The following WNK1 variants were observed in gnomAD, a reference collection of about 807,000 sequenced individuals.
WNK1 encodes the protein serine/threonine-protein kinase WNK1.
A neutral mutation model predicts 222.8 loss-of-function variants in WNK1; 38 were observed. The observed-to-expected ratio is 0.17, with a 90% CI of 0.13 to 0.22. The LOEUF (loss-of-function observed/expected upper bound fraction) is 0.22, where lower values mean the gene tolerates loss of function less well. WNK1 is among the 10% of genes least tolerant of loss of function. The pLI is 1.00. For missense variants in WNK1, 2,348 were observed against 2,918.4 expected (o/e 0.80, Z 4.50); for synonymous variants, 1,090 against 1,092.9 (o/e 1.00, Z 0.05).
intron 4 of WNK1, among the ~76,000 whole-genome samples, chr12:853,735 G>A (rs542596788): frequency 6.6e-6 from 1 of 152,274 alleles, no homozygotes; most frequent in South Asian, 2.1e-4. Context: ...CCCTTGAAAT[G>A]TATGTGCTTA....
intron 9 of WNK1, among the ~76,000 whole-genome samples, chr12:873,933 C>A (rs75821622): frequency 0.04 from 6,078 of 151,782 alleles, 230 homozygotes; most frequent in Admixed American, 0.11. Flanking sequence ...TTTGTAGGGT[C>A]TCGTATAGTG....
At chr12:760,435 A>G (rs1475735492) in intron 1 of WNK1, among the ~76,000 whole-genome samples, 1 of 147,854 alleles carries the variant, frequency 6.8e-6, no homozygotes, top group Non-Finnish European at 1.5e-5. Flanking sequence ...TATAATGCTC[A>G]TTTATTAGCA....
intron 26 of WNK1, among the ~76,000 whole-genome samples, chr12:905,035 T>G (rs1039207339): frequency 6.6e-6 from 1 of 152,178 alleles, no homozygotes; most frequent in African/African-American, 2.4e-5. Context: ...GGGCTGTAAG[T>G]TATGGTTCAT....
intron 4 of WNK1, among the ~76,000 whole-genome samples, chr12:835,649 T>G (rs537812303): frequency 2.0e-5 from 3 of 149,692 alleles, no homozygotes; most frequent in African/African-American, 7.4e-5. Flanking sequence ...AAAAAAAAAA[T>G]GTTGATAGAA....
At chr12:907,582 T>G in intron 26 of WNK1, 1 of 523,190 alleles carries the variant, frequency 1.9e-6, no homozygotes, top group South Asian at 2.0e-5. Flanking sequence ...GTGAATGGAC[T>G]GAAAGAGGCC....
At chr12:872,532 GTAATTCTAAAAT>G (rs1183544337) in intron 9 of WNK1, among the ~76,000 whole-genome samples, 5 of 152,148 alleles carry the variant, frequency 3.3e-5, no homozygotes, top group African/African-American at 4.8e-5. Flanking sequence ...AGTAAAACTG[GTAATTCTAAAAT>G]TAAATATTTA....
Position 869,528 on chromosome 12 carries a change from A to G in WNK1, c.2140-1737A>G, listed in dbSNP as rs756268366. 5.1e-4 allele frequency among the ~76,000 whole-genome samples: 78 copies of G among 152,330 alleles called. 1 individual carries two copies. The highest frequency in any genetic ancestry group is 6.8e-3 in the Middle Eastern group (2 of 294). On this transcript the variant is annotated intron_variant, in intron 8 of 27. Transcript: ENST00000315939. ...AGGATAAATTTTTTTTCTATAAAAT[A>G]TAAAACATGGAAAATAGGGAATGCT...
Position 885,808 on chromosome 12 carries a change from A to G in WNK1, c.5004A>G (p.Ser1668=). Residue 1668 remains serine (S), a synonymous_variant, in exon 19 of 28, where the codon TCA becomes TCG. Coordinates refer to ENST00000315939, the MANE Select transcript of WNK1 (RefSeq NM_018979.4). ...GGTCTCTGTTCAGTGAACACAGCTCATCTGGAGCTCAGCATGCCTCTGTCT... is the reference window on the plus strand; with the variant it reads ...GGTCTCTGTTCAGTGAACACAGCTCGTCTGGAGCTCAGCATGCCTCTGTCT... ...KLRSLFSEHS[S]SGAQHASVSL... 1 of 1,614,220 alleles carries G rather than the reference A, an allele frequency of 6.2e-7. No individual in the cohort carries two copies. The highest frequency in any genetic ancestry group is 8.5e-7 in the Non-Finnish European group (1 of 1,180,022).
chr12:896,886 CCACACACACACACACA>C (rs34202153), intron 24 of WNK1, among the ~76,000 whole-genome samples, 154 bp downstream of exon 24: 1,822 of 134,584 alleles, frequency 0.014, 21 homozygotes, highest in Non-Finnish European at 0.017. Context: ...TACCTCCCCA[CCACACACACACACACA>C]CACACACACA....
At chr12:777,410 G>A (rs1434928960) in intron 1 of WNK1, among the ~76,000 whole-genome samples, 4 of 151,742 alleles carry the variant, frequency 2.6e-5, no homozygotes, top group African/African-American at 7.3e-5. Flanking sequence ...TGCCTGCCTC[G>A]GCCTCCCAAA....
intron 8 of WNK1, among the ~76,000 whole-genome samples, chr12:863,496 G>A (rs1446541082): frequency 6.6e-6 from 1 of 151,846 alleles, no homozygotes; most frequent in Non-Finnish European, 1.5e-5. Context: ...AGCATTTCTT[G>A]TCAGTTTCTA....
intron 1 of WNK1, among the ~76,000 whole-genome samples, chr12:788,165 GT>G (rs1330871794): frequency 6.6e-6 from 1 of 151,960 alleles, no homozygotes; most frequent in African/African-American, 2.4e-5. Flanking sequence ...CTGATTGTAG[GT>G]TTAACCATAT....
chr12:753,455 C>G lies in WNK1; in HGVS notation c.-111C>G, dbSNP rs967208063. On this transcript the variant is annotated 5_prime_UTR_variant, in exon 1 of 28. Coordinates refer to ENST00000315939, the MANE Select transcript of WNK1 (RefSeq NM_018979.4). This position sits in a 1 kb window ranked among gnomAD's most constrained non-coding sequence, Gnocchi z 5.2. The stretch of plus-strand genomic sequence containing the variant: ...GAGTGAGGCGTCGTCCGGGTCGGCG[C>G]GAACCCGCCCGGCCGCGGTTCCCTG... The G allele has an allele frequency of 3.1e-5, 45 of 1,472,344 alleles. No homozygotes were observed. Among genetic ancestry groups the G allele is most frequent in the Non-Finnish European group, 4.0e-5 (43 of 1,084,646 alleles). 91.2% of individuals were successfully genotyped at this position (1,472,344 alleles called of 1,614,324 possible).
intron 8 of WNK1, chr12:867,700 G>C (rs971339892): frequency 1.3e-6 from 1 of 786,604 alleles, no homozygotes. Context: ...TGTATTTAAT[G>C]GATTTTTACT....
chr12:772,856 C>T (rs895364171), intron 1 of WNK1, among the ~76,000 whole-genome samples: 2 of 152,112 alleles, frequency 1.3e-5, no homozygotes, highest in East Asian at 1.9e-4. Context: ...TTCACTGCTT[C>T]GCATATAATT....
At chr12:903,957 T>A (rs929384876) in intron 26 of WNK1, among the ~76,000 whole-genome samples, 8 of 152,204 alleles carry the variant, frequency 5.3e-5, no homozygotes, top group Admixed American at 1.3e-4. Context: ...ATATGTGGGA[T>A]GTGGAAATAT....
chr12:754,249 C>T lies in WNK1; in HGVS notation c.684C>T (p.Gly228=), dbSNP rs72647374. The T allele has an allele frequency of 1.8e-3, 2,879 of 1,613,712 alleles. 23 individuals carry two copies. The African/African-American group carries it at 0.023, about 13-fold the overall frequency. The change falls in exon 1 of 28, where the codon GGC becomes GGT. Residue 228 remains glycine (G), a synonymous_variant. Coordinates refer to ENST00000315939, the MANE Select transcript of WNK1 (RefSeq NM_018979.4). The part of the protein sequence containing the change: ...GRFLKFDIEI[G]RGSFKTVYKG... The stretch of plus-strand genomic sequence containing the variant: ...TTCTCAAGTTTGACATCGAAATCGG[C>T]AGAGGCTCCTTTAAGACGGTCTACA...
chr12:865,877 G>T (rs1387424727), intron 8 of WNK1, among the ~76,000 whole-genome samples: 1 of 151,690 alleles, frequency 6.6e-6, no homozygotes, highest in African/African-American at 2.4e-5. Flanking sequence ...TATGTAAGAT[G>T]ATGTATCAGC....
At chr12:776,445 T>TGTGTGTGTGTGTGTGTGTGTGTGTG (rs1591645280) in intron 1 of WNK1, among the ~76,000 whole-genome samples, 1 of 150,524 alleles carries the variant, frequency 6.6e-6, no homozygotes, top group Admixed American at 6.7e-5. Flanking sequence ...TGTGTGTGTG[T>TGTGTGTGTGTGTGTGTGTGTGTGTG]TTCTTGAGAT....
Sources: allele counts gnomAD v4.1 joint callset (sites outside exome capture counted in the v4.1 genomes callset), GRCh38; gene constraint gnomAD v4.1.1; non-coding constraint Gnocchi (gnomAD v3.1); transcripts MANE v1.5; gene names NCBI Gene and HGNC (gene_info 2026-07-23, HGNC 2026-07-21).